UNC5D: variants seen among roughly 807,000 people sequenced by gnomAD.
The protein encoded by UNC5D is netrin receptor UNC5D.
In UNC5D, 39 loss-of-function variants were observed where a neutral mutation model predicts 105.4. The ratio of observed to expected loss-of-function variants is 0.37; its 90% confidence interval spans 0.29 to 0.48. The LOEUF is 0.48. Among genes scored for constraint, UNC5D ranks in the 20% least tolerant of loss-of-function variants. The pLI, the probability that UNC5D is intolerant of heterozygous loss-of-function variation, is 0.98. For synonymous variants in UNC5D, 452 were observed against 450.4 expected, an observed-to-expected ratio of 1.00 and a Z score of -0.04; for missense variants, 991 against 1,202.4, an observed-to-expected ratio of 0.82 and a Z score of 2.60.
chr8:35,404,454 C>A (rs1452257767), intron 1 of UNC5D, among the ~76,000 whole-genome samples: 1 of 152,178 alleles, frequency 6.6e-6, no homozygotes, highest in Non-Finnish European at 1.5e-5. Flanking sequence ...CTATACTTTC[C>A]TGCTGAAAGT....
At chr8:35,596,429 T>C (rs182040686) in intron 4 of UNC5D, among the ~76,000 whole-genome samples, 1 of 152,322 alleles carries the variant, frequency 6.6e-6, no homozygotes, top group Admixed American at 6.5e-5. Flanking sequence ...GCATGCTTAA[T>C]ATAATGAAAA....
chr8:35,640,936 CTCTCTT>C (rs771753549), intron 4 of UNC5D, among the ~76,000 whole-genome samples: 9 of 152,082 alleles, frequency 5.9e-5, no homozygotes, highest in Non-Finnish European at 1.2e-4. Flanking sequence ...TCCTCTCTCT[CTCTCTT>C]TCTAATAGTT....
intron 1 of UNC5D, among the ~76,000 whole-genome samples, chr8:35,469,011 G>C (rs1255048027): frequency 6.6e-6 from 1 of 152,186 alleles, no homozygotes; most frequent in African/African-American, 2.4e-5. Context: ...CGTGCCATGT[G>C]GAGGTGGGAG....
chr8:35,510,173 C>T (rs1173675462), intron 1 of UNC5D, among the ~76,000 whole-genome samples: 1 of 152,006 alleles, frequency 6.6e-6, no homozygotes, highest in Non-Finnish European at 1.5e-5. Flanking sequence ...CTCTCTCCTC[C>T]CCCTTACCTG....
At chr8:35,650,386 G>A (rs965043533) in intron 4 of UNC5D, among the ~76,000 whole-genome samples, 2 of 152,116 alleles carry the variant, frequency 1.3e-5, no homozygotes, top group African/African-American at 4.8e-5. Flanking sequence ...ACTGTACCAA[G>A]CAGGAGTATT....
At chr8:35,285,918 A>C (rs901485163) in intron 1 of UNC5D, among the ~76,000 whole-genome samples, 2 of 152,242 alleles carry the variant, frequency 1.3e-5, no homozygotes, top group African/African-American at 4.8e-5. Context: ...TTTATATGAC[A>C]GTATAATCTT....
At chr8:35,662,881 C>G (rs1453332087) in intron 4 of UNC5D, among the ~76,000 whole-genome samples, 1 of 152,142 alleles carries the variant, frequency 6.6e-6, no homozygotes, top group Non-Finnish European at 1.5e-5. Context: ...TGAGCTCTGC[C>G]TCCTGTGAGA....
intron 9 of UNC5D, among the ~76,000 whole-genome samples, chr8:35,723,957 G>A (rs979888925): frequency 6.6e-6 from 1 of 151,942 alleles, no homozygotes; most frequent in African/African-American, 2.4e-5. Flanking sequence ...AAAGTGTTCT[G>A]AGGATGAAAT....
intron 1 of UNC5D, among the ~76,000 whole-genome samples, chr8:35,397,214 A>G (rs1465217811): frequency 6.6e-6 from 1 of 152,138 alleles, no homozygotes; most frequent in East Asian, 1.9e-4. Context: ...CCCAAGCCCA[A>G]GGTTTTTATT....
At chr8:35,607,339 C>A (rs1820359080) in intron 4 of UNC5D, among the ~76,000 whole-genome samples, 1 of 152,268 alleles carries the variant, frequency 6.6e-6, no homozygotes, top group East Asian at 1.9e-4. Flanking sequence ...ACTGAGGAGG[C>A]TTGAAACAGC....
At chr8:35,292,251 G>A (rs972811652) in intron 1 of UNC5D, among the ~76,000 whole-genome samples, 2 of 152,112 alleles carry the variant, frequency 1.3e-5, no homozygotes, top group African/African-American at 2.4e-5. Context: ...TAAAGTGTCC[G>A]AATTGCATTC....
chr8:35,438,602 ATT>A (rs76893119), intron 1 of UNC5D, among the ~76,000 whole-genome samples: 2,145 of 148,012 alleles, frequency 0.014, 61 homozygotes, highest in African/African-American at 0.05. Flanking sequence ...GTGTGTACAC[ATT>A]TTTTTTTTTC....
intron 1 of UNC5D, among the ~76,000 whole-genome samples, chr8:35,437,405 T>C (rs1807091174): frequency 6.6e-6 from 1 of 151,902 alleles, no homozygotes; most frequent in African/African-American, 2.4e-5. Flanking sequence ...TGTAGAATGG[T>C]CAGCAAAGTT....
intron 1 of UNC5D, among the ~76,000 whole-genome samples, chr8:35,513,180 A>G (rs1220545735): frequency 1.3e-5 from 2 of 148,814 alleles, no homozygotes; most frequent in Non-Finnish European, 3.0e-5. Flanking sequence ...AACCATGTGC[A>G]TTGCTTCCTC....
At chr8:35,535,303 A>G (rs953086265) in intron 1 of UNC5D, among the ~76,000 whole-genome samples, 7 of 152,086 alleles carry the variant, frequency 4.6e-5, no homozygotes, top group African/African-American at 1.7e-4. Flanking sequence ...TTACTCTATT[A>G]CAGTGCTCTT....
intron 1 of UNC5D, among the ~76,000 whole-genome samples, chr8:35,259,699 G>A (rs1232588972): frequency 6.6e-6 from 1 of 151,228 alleles, no homozygotes; most frequent in Non-Finnish European, 1.5e-5. Context: ...ATTTTCAAAG[G>A]GCAGAAGCAA....
intron 11 of UNC5D, among the ~76,000 whole-genome samples, chr8:35,736,230 G>A (rs1586559235): frequency 6.6e-6 from 1 of 152,202 alleles, no homozygotes; most frequent in East Asian, 1.9e-4. Context: ...AATTAATAGG[G>A]CATGGGGGTA....
intron 1 of UNC5D, among the ~76,000 whole-genome samples, chr8:35,369,283 T>TA (rs1275573814): frequency 1.3e-5 from 2 of 152,198 alleles, no homozygotes; most frequent in East Asian, 3.9e-4. Flanking sequence ...CCTTGCATCC[T>TA]CACCATCTAG....
chr8:35,267,374 G>A (rs1292982679), intron 1 of UNC5D, among the ~76,000 whole-genome samples: 1 of 152,118 alleles, frequency 6.6e-6, no homozygotes, highest in Admixed American at 6.6e-5. Flanking sequence ...GAACAAGACT[G>A]TTAAATTAGT....
Sources: gnomAD v4.1 joint callset for allele counts (sites outside exome capture counted in the v4.1 genomes callset) on GRCh38, gnomAD v4.1.1 for gene constraint, MANE v1.5 for transcripts, NCBI Gene and HGNC (gene_info 2026-07-23, HGNC 2026-07-21) for gene names.